Variants in PCSK6 observed in about 807,000 individuals in gnomAD.
PCSK6 encodes paired basic amino acid cleaving enzyme 4.
In PCSK6, 85 loss-of-function variants were observed where a neutral mutation model predicts 123.3. The ratio of observed to expected loss-of-function variants is 0.69; its 90% CI spans 0.58 to 0.83. The LOEUF (loss-of-function observed/expected upper bound fraction) is 0.83. PCSK6 is among the 40% of genes least tolerant of loss of function. The probability of loss-of-function intolerance (pLI) is 0.00; values close to 1 mark genes in which losing one functional copy is unlikely to be tolerated. For synonymous variants in PCSK6, 508 were observed against 516.0 expected (o/e 0.98, Z 0.21); for missense variants, 1,191 against 1,282.3 (o/e 0.93, Z 1.09).
At chr15:101,386,214 C>T (rs933060670) in intron 9 of PCSK6, among the ~76,000 whole-genome samples, 8 of 152,040 alleles carry the variant, frequency 5.3e-5, no homozygotes, top group Admixed American at 3.9e-4. Context: ...TAAGTAAAAT[C>T]GGGGGAGCTG....
At chr15:101,347,404 G>T in intron 13 of PCSK6, 1 of 1,236,900 alleles carries the variant, frequency 8.1e-7, no homozygotes, top group Admixed American at 4.1e-5. Flanking sequence ...AGAATTCATG[G>T]AACTTTTTAG....
At chr15:101,325,091 C>T in intron 16 of PCSK6, 45 bp from the exon 17 acceptor site, 1 of 1,449,002 alleles carries the variant, frequency 6.9e-7, no homozygotes, top group Non-Finnish European at 9.4e-7. Flanking sequence ...CCAACCCAGC[C>T]CCAGCCCCAG....
chr15:101,320,606 G>A (rs749673348), intron 18 of PCSK6, among the ~76,000 whole-genome samples: 2 of 152,162 alleles, frequency 1.3e-5, no homozygotes, highest in African/African-American at 2.4e-5. Context: ...ACACCCACCC[G>A]GCGCCCTTCC....
chr15:101,319,036 G>C (rs1959044966), intron 18 of PCSK6, among the ~76,000 whole-genome samples: 2 of 152,206 alleles, frequency 1.3e-5, no homozygotes, highest in Non-Finnish European at 1.5e-5. Context: ...CAGAGACACA[G>C]ATGCTGAGCT....
chr15:101,350,501 T>C (rs1170516142), intron 13 of PCSK6, among the ~76,000 whole-genome samples: 2 of 152,242 alleles, frequency 1.3e-5, no homozygotes, highest in Non-Finnish European at 2.9e-5. Context: ...AATGACTTTT[T>C]AGCATATGGA....
chr15:101,357,383 C>G (rs2041073877), intron 13 of PCSK6, among the ~76,000 whole-genome samples: 2 of 152,270 alleles, frequency 1.3e-5, no homozygotes, highest in African/African-American at 4.8e-5. Context: ...GCTGACGATG[C>G]TGACCAGACC....
chr15:101,462,256 T>C (rs1567238823), intron 1 of PCSK6, among the ~76,000 whole-genome samples: 1 of 152,218 alleles, frequency 6.6e-6, no homozygotes, highest in Non-Finnish European at 1.5e-5. Context: ...AAGTTGTGTA[T>C]ATAAGAATTT....
intron 1 of PCSK6, among the ~76,000 whole-genome samples, chr15:101,485,957 AT>A (rs11303524): frequency 0.17 from 19,649 of 116,186 alleles, 767 homozygotes; most frequent in Middle Eastern, 0.22. Context: ...ATTTATTTAA[AT>A]TTTTTTTTTT....
At chr15:101,366,423 G>T in intron 12 of PCSK6, 91 bp from the exon 13 acceptor site, 1 of 1,370,132 alleles carries the variant, frequency 7.3e-7, no homozygotes, top group Non-Finnish European at 1.0e-6. Flanking sequence ...TCGGGGGACT[G>T]TATGACCTGG....
At chr15:101,409,995 CA>C (rs1322153975) in intron 6 of PCSK6, among the ~76,000 whole-genome samples, 9 of 152,150 alleles carry the variant, frequency 5.9e-5, no homozygotes, top group African/African-American at 1.9e-4. Context: ...TGCAGTGCCA[CA>C]ATCATTGCTC....
chr15:101,482,004 G>A (rs1030670781), intron 1 of PCSK6, among the ~76,000 whole-genome samples: 3 of 152,218 alleles, frequency 2.0e-5, no homozygotes, highest in Non-Finnish European at 2.9e-5. Context: ...TCACGCACAC[G>A]CATGTGCACG....
At chr15:101,363,470 T>C (rs1040919642) in intron 13 of PCSK6, among the ~76,000 whole-genome samples, 1 of 152,182 alleles carries the variant, frequency 6.6e-6, no homozygotes, top group Admixed American at 6.5e-5. Flanking sequence ...AGTGAATGCT[T>C]GAGGATGCAG....
At chr15:101,437,997 T>C (rs572843819) in intron 2 of PCSK6, among the ~76,000 whole-genome samples, 47 of 152,230 alleles carry the variant, frequency 3.1e-4, no homozygotes, top group African/African-American at 1.1e-3. Flanking sequence ...CAGTGTCCCA[T>C]GAGAAGAGGA....
rs3784467 is a variant in PCSK6 at position 101,398,089 on chromosome 15, C to G, written c.996+315G>C. Among the ~76,000 whole-genome samples, 2 of 152,086 alleles carry G rather than the reference C, an allele frequency of 1.3e-5. No individual in the cohort carries two copies. The highest frequency in any genetic ancestry group is 2.9e-5 in the Non-Finnish European group (2 of 68,026). ...GGCCAGGTGAGCTGCCTTAGACCCC[C>G]GTCACCCACCTGTGTACCCCCTTCA... On this transcript the variant is annotated intron_variant, in intron 7 of 21. Transcript: ENST00000611716. The surrounding 1 kb of genome is among the most constrained non-coding windows in gnomAD (Gnocchi z 4.6).
chr15:101,413,018 G>GAGC (rs2055755424), intron 6 of PCSK6, among the ~76,000 whole-genome samples: 1 of 142,978 alleles, frequency 7.0e-6, no homozygotes, highest in Non-Finnish European at 1.5e-5. Context: ...GGAGGAGGAG[G>GAGC]AGGAGGAGGA....
chr15:101,405,038 A>T (rs1370536848), intron 6 of PCSK6, among the ~76,000 whole-genome samples: 3 of 152,212 alleles, frequency 2.0e-5, no homozygotes, highest in African/African-American at 7.2e-5. Flanking sequence ...TGGGAAAGCA[A>T]GCATCACGCG....
At chr15:101,412,325 T>C (rs1055619033) in intron 6 of PCSK6, among the ~76,000 whole-genome samples, 12 of 151,952 alleles carry the variant, frequency 7.9e-5, no homozygotes, top group South Asian at 4.2e-4. Flanking sequence ...AGACAGACAA[T>C]CACCGATGCC....
At chr15:101,356,505 C>CAAAAAA (rs34350017) in intron 13 of PCSK6, among the ~76,000 whole-genome samples, 6 of 86,244 alleles carry the variant, frequency 7.0e-5, no homozygotes, top group Non-Finnish European at 1.1e-4. Context: ...ACTAAAACTA[C>CAAAAAA]AAAAAAAAAA....
chr15:101,400,971 T>C (rs1489063509), intron 6 of PCSK6, among the ~76,000 whole-genome samples: 2 of 152,166 alleles, frequency 1.3e-5, no homozygotes, highest in African/African-American at 4.8e-5. Context: ...AGACAGAGAA[T>C]ACAAGAGTCA....
Sources: gnomAD v4.1 joint callset for allele counts (sites outside exome capture counted in the v4.1 genomes callset) on GRCh38, gnomAD v4.1.1 for gene constraint, Gnocchi (gnomAD v3.1) non-coding constraint, MANE v1.5 for transcripts, NCBI Gene and HGNC (gene_info 2026-07-23, HGNC 2026-07-21) for gene names.